The following PKM variants were observed in gnomAD, a reference collection of about 807,000 sequenced individuals.
PKM encodes pyruvate kinase M1/2.
Under a neutral mutation model 49.8 loss-of-function variants are expected in PKM, and 18 were observed. The observed-to-expected ratio is 0.36, with a 90% CI of 0.25 to 0.54. PKM has a LOEUF of 0.54. Ranked by LOEUF, PKM falls within the 20% of genes least tolerant of loss-of-function variation. The probability of loss-of-function intolerance (pLI) is 0.89; values close to 1 mark genes in which losing one functional copy is unlikely to be tolerated. For missense variants in PKM, 508 were observed against 713.8 expected (o/e 0.71, Z 3.28); for synonymous variants, 239 against 261.8 (o/e 0.91, Z 0.84).
At chr15:72,220,783 C>T (rs753750351) in intron 1 of PKM, among the ~76,000 whole-genome samples, 15 of 152,162 alleles carry the variant, frequency 9.9e-5, no homozygotes, top group African/African-American at 1.9e-4. Context: ...AAAGTTATGC[C>T]TCTGCTCCCC....
intron 1 of PKM, among the ~76,000 whole-genome samples, chr15:72,225,530 C>CAGTCACTCTATATCCTT (rs2082644448): frequency 6.6e-6 from 1 of 152,158 alleles, no homozygotes; most frequent in African/African-American, 2.4e-5. Context: ...CTATATCCTT[C>CAGTCACTCTATATCCTT]CAGTTCACTG....
rs8192411 is a variant in PKM at position 72,208,761 on chromosome 15, C to T, written c.696G>A (p.Gly232=). Reference sequence around the variant, plus strand: ...ACACCATATCAACATCCTGCTCGACCCCAAACTTCAGATCCTGGATGTCCT... The same window carrying T: ...ACACCATATCAACATCCTGCTCGACTCCAAACTTCAGATCCTGGATGTCCT... ...SEKDIQDLKF[G]VEQDVDMVFA... is the part of the protein sequence containing the mutation. Residue 232 remains glycine (G), a synonymous_variant, in exon 6 of 11, where the codon GGG becomes GGA. Transcript: ENST00000335181. 4 of 1,614,032 alleles carry T rather than the reference C, an allele frequency of 2.5e-6. No individual in the cohort carries two copies. The African/African-American group carries it at 5.3e-5, about 22-fold the overall frequency.
chr15:72,209,053 C>T (rs2082162793), intron 5 of PKM, 162 bp from the exon 6 acceptor site: 2 of 742,860 alleles, frequency 2.7e-6, no homozygotes. Context: ...TAATCCTGGG[C>T]AAGCCATTTA....
At chr15:72,201,648 G>A (rs982137590) in intron 9 of PKM, 1 of 152,260 alleles carries the variant, frequency 6.6e-6, no homozygotes, top group African/African-American at 2.4e-5. Flanking sequence ...TCAACCCTAC[G>A]GGTTGGAGCT....
chr15:72,216,166 G>A (rs1013611152), intron 3 of PKM, among the ~76,000 whole-genome samples: 2 of 152,220 alleles, frequency 1.3e-5, no homozygotes, highest in Admixed American at 6.5e-5. Flanking sequence ...ATGCCAGAGG[G>A]CAACCTCTGT....
At chr15:72,201,144 T>C (rs1218934231) in intron 9 of PKM, 1 of 156,480 alleles carries the variant, frequency 6.4e-6, no homozygotes. Context: ...TCTCTACTTT[T>C]GTGCCCTCTC....
intron 1 of PKM, among the ~76,000 whole-genome samples, chr15:72,220,592 A>G (rs1193988867): frequency 2.6e-5 from 4 of 152,116 alleles, no homozygotes; most frequent in Non-Finnish European, 5.9e-5. Context: ...TGGCAAATGC[A>G]CTCTTCATTT....
In PKM at chr15:72,209,997, T is replaced by C; in HGVS notation, c.379-138A>G. 6.4e-6 allele frequency: 5 copies of C among 778,564 alleles called. No homozygotes were observed. In the Admixed American group the frequency reaches 7.5e-5, roughly 12 times the overall value. The allele number at this position is 778,564 out of a possible 1,614,324, so 48.2% of individuals were successfully genotyped here. A position where few individuals can be genotyped will look rare whatever the true frequency, so the allele number is the denominator to read the frequency against. On this transcript the variant is annotated intron_variant, in intron 4 of 10. Coordinates refer to ENST00000335181, the MANE Select transcript of PKM (RefSeq NM_002654.6). Reference sequence around the variant, plus strand: ...AAAGTAATACAGTTTTTTGCTCTTATTCTCTAACTCTGTATACTTCACGGA... The same window carrying C: ...AAAGTAATACAGTTTTTTGCTCTTACTCTCTAACTCTGTATACTTCACGGA...
chr15:72,211,520 T>G (rs1329965013), intron 3 of PKM, among the ~76,000 whole-genome samples: 2 of 152,146 alleles, frequency 1.3e-5, no homozygotes, highest in Admixed American at 1.3e-4. Flanking sequence ...TTTTGTTTGT[T>G]TAAAAGAGGG....
chr15:72,202,992 T>C lies in PKM; in HGVS notation c.1141-372A>G. The C allele has an allele frequency of 6.2e-7, 1 of 1,609,080 alleles. No individual in the cohort carries two copies. Among genetic ancestry groups the C allele is most frequent in the Non-Finnish European group, 8.5e-7 (1 of 1,176,162 alleles). On this transcript the variant is annotated intron_variant, in intron 8 of 10. Transcript: ENST00000335181. The surrounding 1 kb of genome is among the most constrained non-coding windows in gnomAD (Gnocchi z 4.5). ...AGGTGGAGCAAGAGGCTGGTTATCC[T>C]AACAGTGTTACCTGCCCTTAGGGCC...
At chr15:72,206,928 G>A in intron 7 of PKM, 48 bp from the exon 8 acceptor site, 12 of 1,605,794 alleles carry the variant, frequency 7.5e-6, no homozygotes, top group Non-Finnish European at 9.4e-6. Context: ...GCTGTCTTCA[G>A]AGACAAATGA....
In PKM at chr15:72,200,111, G is replaced by A. The variant is rs2081902957; in HGVS notation, c.1490-355C>T. Among the ~76,000 whole-genome samples the A allele has an allele frequency of 6.6e-6, 1 of 151,832 alleles. No homozygotes were observed. Among genetic ancestry groups the A allele is most frequent in the Admixed American group, 6.6e-5 (1 of 15,236 alleles). On this transcript the variant is annotated intron_variant, in intron 10 of 10. Coordinates refer to ENST00000335181, the MANE Select transcript of PKM (RefSeq NM_002654.6). This position sits in a 1 kb window ranked among gnomAD's most constrained non-coding sequence, Gnocchi z 4.6. ...TCTGTGTATGCCACCCCACAGCACA[G>A]GAGCTGTGGCCAATTTTATTTAAAA...
rs767287794 is a variant in PKM, at chr15:72,199,766, G to T, written c.1490-10C>A. On this transcript the variant is annotated splice_polypyrimidine_tract_variant and intron_variant, in intron 10 of 10. Transcript: ENST00000335181. ...AAGCCTCGGGCCTTGCCTGGAGGAAGAGAAGGGAGGTTGGTGAGTAAAAGC... is the reference window on the plus strand; with the variant it reads ...AAGCCTCGGGCCTTGCCTGGAGGAATAGAAGGGAGGTTGGTGAGTAAAAGC... 6.3e-7 allele frequency: 1 copy of T among 1,598,202 alleles called. No individual in the cohort carries two copies. The highest frequency in any genetic ancestry group is 1.1e-5 in the South Asian group (1 of 90,284).
At position 72,199,573 on chromosome 15, in the gene PKM, T is replaced by C. The variant is rs1383065256; in HGVS notation, c.*77A>G. 9.9e-7 allele frequency: 1 copy of C among 1,011,250 alleles called. No homozygotes were observed. The highest frequency in any genetic ancestry group is 1.6e-6 in the Non-Finnish European group (1 of 641,408). 62.6% of individuals were successfully genotyped at this position (1,011,250 alleles called of 1,614,324 possible). ...CCACGTTACAGCCCAGAGTGAGTTC[T>C]ACAAGCGTTGCTGGCCTAATGGATG... On this transcript the variant is annotated 3_prime_UTR_variant, in exon 11 of 11. Coordinates refer to ENST00000335181, the MANE Select transcript of PKM (RefSeq NM_002654.6).
chr15:72,208,920 C>G, intron 5 of PKM, 29 bp from the exon 6 acceptor site: 1 of 1,606,712 alleles, frequency 6.2e-7, no homozygotes, highest in Non-Finnish European at 8.5e-7. Context: ...GTAGGGGAGG[C>G]AGAGCACGAG....
intron 1 of PKM, chr15:72,228,746 T>A: frequency 1.8e-6 from 1 of 565,670 alleles, no homozygotes; most frequent in South Asian, 1.7e-5. Context: ...AATTATTTGC[T>A]AACAACGCTG....
intron 5 of PKM, chr15:72,209,396 AATATATATAT>A (rs1182751717): frequency 1.0e-4 from 8 of 78,988 alleles, no homozygotes; most frequent in African/African-American, 4.2e-4. Context: ...CAGCGAAACA[AATATATATAT>A]ATATATATAT....
chr15:72,229,969 G>A (rs912815819), intron 1 of PKM, among the ~76,000 whole-genome samples: 2 of 152,084 alleles, frequency 1.3e-5, no homozygotes, highest in African/African-American at 4.8e-5. Flanking sequence ...CCGGAGAGGC[G>A]CGGAACGGGC....
At chr15:72,219,240 C>T in intron 1 of PKM, 130 bp from the exon 2 acceptor site, 1 of 802,766 alleles carries the variant, frequency 1.2e-6, no homozygotes, top group South Asian at 1.7e-5. Context: ...CACAGGGAAG[C>T]CAGACATGAT....
Sources: allele counts gnomAD v4.1 joint callset (sites outside exome capture counted in the v4.1 genomes callset), GRCh38; gene constraint gnomAD v4.1.1; non-coding constraint Gnocchi (gnomAD v3.1); transcripts MANE v1.5; gene names NCBI Gene and HGNC (gene_info 2026-07-23, HGNC 2026-07-21).